BCL7C: variants seen among roughly 807,000 people sequenced by gnomAD.
BCL7C encodes the protein BAF chromatin remodeling complex subunit BCL7C, also known as B-cell CLL/lymphoma 7 protein family member C.
A neutral mutation model predicts 26.2 loss-of-function variants in BCL7C; 8 were observed. That is an observed-to-expected ratio of 0.30 (90% CI 0.18 to 0.55). BCL7C has a LOEUF of 0.55. Among genes scored for constraint, BCL7C ranks in the 20% least tolerant of loss-of-function variants. The pLI, the probability that BCL7C is intolerant of heterozygous loss-of-function variation, is 0.93. For synonymous variants in BCL7C, 90 were observed against 116.5 expected, an observed-to-expected ratio of 0.77 and a Z score of 1.47; for missense variants, 262 against 298.5, an observed-to-expected ratio of 0.88 and a Z score of 0.90.
At chr16:30,856,639 C>G (rs118137773) in intron 5 of BCL7C, among the ~76,000 whole-genome samples, 4 of 152,150 alleles carry the variant, frequency 2.6e-5, no homozygotes, top group Admixed American at 2.6e-4. Context: ...GCTTAGTTGT[C>G]AGCTAATGAT....
rs145988915 is a variant in BCL7C, at chr16:30,893,891, G to C, written c.54C>G (p.Ile18Met). 119 of 1,595,054 alleles carry C rather than the reference G, an allele frequency of 7.5e-5. No homozygotes were observed. In the East Asian group the frequency reaches 2.7e-3, roughly 36 times the overall value. The change falls in exon 1 of 6, where the codon ATC (isoleucine) becomes ATG (methionine). Residue 18 changes from isoleucine to methionine, a missense_variant. Ile to Met is a conservative substitution (Grantham distance 10). Transcript: ENST00000215115. The surrounding 1 kb of genome is among the most constrained non-coding windows in gnomAD (Gnocchi z 5.2). ...TCTCGATGGTCGCCATCACCTTCTTGATGTCATCCTTGGCCCGGCTCCGGG... is the reference window on the plus strand; with the variant it reads ...TCTCGATGGTCGCCATCACCTTCTTCATGTCATCCTTGGCCCGGCTCCGGG... ...AETRSRAKDD[I>M]KKVMATIEKV...
chr16:30,888,820 C>T, intron 5 of BCL7C, 40 bp downstream of exon 5: 1 of 1,595,038 alleles, frequency 6.3e-7, no homozygotes, highest in Non-Finnish European at 8.6e-7. Flanking sequence ...TCCCCCATTC[C>T]CTCCAAGACC....
chr16:30,888,331 G>A (rs993920267), intron 5 of BCL7C, among the ~76,000 whole-genome samples: 1 of 152,018 alleles, frequency 6.6e-6, no homozygotes, highest in Non-Finnish European at 1.5e-5. Flanking sequence ...GATTTTGTCA[G>A]GCTTTATTTA....
intron 5 of BCL7C, among the ~76,000 whole-genome samples, chr16:30,839,353 G>A (rs1364252310): frequency 2.0e-5 from 3 of 152,216 alleles, no homozygotes; most frequent in Admixed American, 6.5e-5. Flanking sequence ...GGATTCCCTG[G>A]TGTGACAGAC....
chr16:30,851,835 C>A, intron 5 of BCL7C: 1 of 262,260 alleles, frequency 3.8e-6, no homozygotes. Flanking sequence ...TGCCGGTTGT[C>A]ATATAAAATC....
intron 5 of BCL7C, among the ~76,000 whole-genome samples, chr16:30,880,019 G>A (rs1017402712): frequency 1.4e-4 from 21 of 151,536 alleles, no homozygotes; most frequent in African/African-American, 3.9e-4. Flanking sequence ...GTAGTTGGGC[G>A]CAGTAGCACA....
chr16:30,886,666 A>T (rs1299180379), downstream of BCL7C, among the ~76,000 whole-genome samples: 2 of 152,158 alleles, frequency 1.3e-5, no homozygotes, highest in Non-Finnish European at 2.9e-5. Context: ...AATGAAGCCC[A>T]AGGGGTTGCT....
intron 5 of BCL7C, among the ~76,000 whole-genome samples, chr16:30,839,026 T>C (rs1380227325): frequency 6.6e-6 from 1 of 152,218 alleles, no homozygotes; most frequent in Non-Finnish European, 1.5e-5. Flanking sequence ...AGGGTGTATT[T>C]GAGTCCACAG....
chr16:30,874,120 C>T (rs1024635546), intron 5 of BCL7C, among the ~76,000 whole-genome samples: 3 of 150,948 alleles, frequency 2.0e-5, no homozygotes, highest in Non-Finnish European at 3.0e-5. Flanking sequence ...CTCAGCCTCC[C>T]GAGTAGCTGG....
chr16:30,857,341 T>C (rs1225346743), intron 5 of BCL7C, among the ~76,000 whole-genome samples: 1 of 143,984 alleles, frequency 6.9e-6, no homozygotes, highest in African/African-American at 2.6e-5. Context: ...TGAGCCAAGA[T>C]TGTGCCACTG....
chr16:30,871,140 C>T (rs1293276135), intron 5 of BCL7C, among the ~76,000 whole-genome samples: 2 of 152,004 alleles, frequency 1.3e-5, no homozygotes, highest in Admixed American at 6.6e-5. Flanking sequence ...TGGGGTGCTC[C>T]GACTCTGGAT....
chr16:30,835,841 G>A (rs1245253601), intron 5 of BCL7C, among the ~76,000 whole-genome samples: 1 of 151,400 alleles, frequency 6.6e-6, no homozygotes. Context: ...GTGAGACTCC[G>A]TCTGAAGAAA....
intron 5 of BCL7C, among the ~76,000 whole-genome samples, chr16:30,882,132 A>G (rs1296156819): frequency 6.6e-6 from 1 of 151,536 alleles, no homozygotes; most frequent in African/African-American, 2.4e-5. Context: ...GGCTAATTCT[A>G]TTGTATTTTT....
At chr16:30,850,373 A>C (rs1275276129) in intron 5 of BCL7C, among the ~76,000 whole-genome samples, 1 of 152,192 alleles carries the variant, frequency 6.6e-6, no homozygotes, top group Non-Finnish European at 1.5e-5. Context: ...TTTATCTTTG[A>C]GTATAAAGGC....
Position 30,851,073 on chromosome 16 carries a change from G to A in BCL7C, c.529-15925C>T, listed in dbSNP as rs769402401. On this transcript the variant is annotated intron_variant, in intron 5 of 5. Coordinates refer to the BCL7C transcript ENST00000380317. ...AAATAAGTTTGTTTATTCCTGTAGCGTAAAAATCTGTGCTTCGGGATTCAG... is the reference window on the plus strand; with the variant it reads ...AAATAAGTTTGTTTATTCCTGTAGCATAAAAATCTGTGCTTCGGGATTCAG... Among the ~76,000 whole-genome samples, 15 of 152,160 alleles carry A rather than the reference G, an allele frequency of 9.9e-5. 1 individual carries two copies. The highest frequency in any genetic ancestry group is 3.4e-3 in the Middle Eastern group (1 of 294).
chr16:30,864,396 C>A (rs2054805625), intron 5 of BCL7C, among the ~76,000 whole-genome samples: 1 of 152,088 alleles, frequency 6.6e-6, no homozygotes, highest in African/African-American at 2.4e-5. Flanking sequence ...TTTAGTTTCT[C>A]AATTAATACA....
chr16:30,893,570 G>A lies in BCL7C; in HGVS notation c.93-280C>T, dbSNP rs1001958088. 3.3e-5 allele frequency among the ~76,000 whole-genome samples: 5 copies of A among 152,078 alleles called. No homozygotes were observed. The highest frequency in any genetic ancestry group is 4.1e-4 in the South Asian group (2 of 4,826). On this transcript the variant is annotated intron_variant, in intron 1 of 5. Transcript: ENST00000215115. This position sits in a 1 kb window ranked among gnomAD's most constrained non-coding sequence, Gnocchi z 5.2. ...GCTATGGGCCTGGCCCGGGATCAGA[G>A]CCCTGCAGATCCTGGGGCGCACCTG...
intron 5 of BCL7C, among the ~76,000 whole-genome samples, chr16:30,856,424 C>T (rs867133168): frequency 1.6e-5 from 2 of 125,688 alleles, no homozygotes; most frequent in Non-Finnish European, 3.2e-5. Flanking sequence ...CTGGGCGACA[C>T]AGTGAGACTC....
In BCL7C at chr16:30,892,929, C is replaced by T; in HGVS notation, c.191G>A (p.Gly64Asp). The T allele has an allele frequency of 3.1e-6, 5 of 1,612,866 alleles. No homozygotes were observed. The highest frequency in any genetic ancestry group is 4.2e-6 in the Non-Finnish European group (5 of 1,179,844). ...PQEEERRRAG[G>D]GAERSRGRER... ...CCGGCCACGGGATCTCTCTGCCCCG[C>T]CACCTGCCCGCCTTCGCTCCTGGGG... The change falls in exon 3 of 6, where the codon GGC becomes GAC. Residue 64 changes from glycine (G) to aspartate (D), a missense_variant. By Grantham distance (94) the Gly-to-Asp change is moderately conservative. Transcript: ENST00000215115.
Sources: allele counts gnomAD v4.1 joint callset (sites outside exome capture counted in the v4.1 genomes callset), GRCh38; gene constraint gnomAD v4.1.1; non-coding constraint Gnocchi (gnomAD v3.1); transcripts MANE v1.5; gene names NCBI Gene and HGNC (gene_info 2026-07-23, HGNC 2026-07-21).